The following EML4 variants were observed in gnomAD, a reference collection of about 807,000 sequenced individuals.
EML4 encodes echinoderm microtubule-associated protein-like 4.
EML4 carries 72 observed loss-of-function variants against 129.0 expected under a neutral mutation model. The ratio of observed to expected loss-of-function variants is 0.56; its 90% CI spans 0.46 to 0.68. EML4 has a LOEUF of 0.68. EML4 is among the 30% of genes least tolerant of loss of function. The pLI, the probability that EML4 is intolerant of heterozygous loss-of-function variation, is 0.00. For missense variants in EML4, 1,363 were observed against 1,190.6 expected, an observed-to-expected ratio of 1.14 and a Z score of -2.13; for synonymous variants, 532 against 405.0, an observed-to-expected ratio of 1.31 and a Z score of -3.77.
chr2:42,233,487 T>A (rs753165860), intron 1 of EML4, among the ~76,000 whole-genome samples: 1 of 151,872 alleles, frequency 6.6e-6, no homozygotes, highest in African/African-American at 2.4e-5. Context: ...TTTTTTATTT[T>A]TAGTAGAGAC....
intron 1 of EML4, among the ~76,000 whole-genome samples, chr2:42,173,609 G>A (rs749946079): frequency 6.6e-6 from 1 of 152,154 alleles, no homozygotes; most frequent in Non-Finnish European, 1.5e-5. Flanking sequence ...AGCACTTTGG[G>A]AGGCTGAGGT....
At chr2:42,312,890 G>A (rs1247661442) in intron 17 of EML4, among the ~76,000 whole-genome samples, 1 of 148,600 alleles carries the variant, frequency 6.7e-6, no homozygotes, top group Non-Finnish European at 1.5e-5. Context: ...CTATAACCTG[G>A]AAGCCCCCAC....
chr2:42,229,594 G>C (rs1674193156), intron 1 of EML4, among the ~76,000 whole-genome samples: 1 of 152,166 alleles, frequency 6.6e-6, no homozygotes, highest in Non-Finnish European at 1.5e-5. Flanking sequence ...GAGTGAGTGA[G>C]TTTAGGGCTA....
chr2:42,279,751 G>C (rs1266251591), intron 6 of EML4, among the ~76,000 whole-genome samples: 1 of 151,252 alleles, frequency 6.6e-6, no homozygotes, highest in Non-Finnish European at 1.5e-5. Context: ...TGGAATTACA[G>C]GCGTGAGCCA....
At chr2:42,254,998 A>G (rs965003360) in intron 2 of EML4, among the ~76,000 whole-genome samples, 1 of 152,144 alleles carries the variant, frequency 6.6e-6, no homozygotes, top group Admixed American at 6.5e-5. Context: ...ACATTGTACT[A>G]TATAAAAGAA....
chr2:42,217,456 G>T (rs1673270234), intron 1 of EML4, among the ~76,000 whole-genome samples: 1 of 152,062 alleles, frequency 6.6e-6, no homozygotes, highest in African/African-American at 2.4e-5. Context: ...TTCTTGTTTG[G>T]CCCTCTGTGG....
chr2:42,179,804 G>C (rs1670825144), intron 1 of EML4, among the ~76,000 whole-genome samples: 1 of 152,034 alleles, frequency 6.6e-6, no homozygotes, highest in African/African-American at 2.4e-5. Context: ...GTTTCACTAT[G>C]TTGGTCAGGC....
intron 1 of EML4, among the ~76,000 whole-genome samples, chr2:42,224,256 C>T (rs936822108): frequency 1.3e-5 from 2 of 152,104 alleles, no homozygotes; most frequent in African/African-American, 2.4e-5. Flanking sequence ...TCTACTTTAT[C>T]TTACAGGTTT....
At chr2:42,263,123 G>C (rs974954695) in intron 4 of EML4, 55 bp from the exon 5 acceptor site, 1 of 1,445,448 alleles carries the variant, frequency 6.9e-7, no homozygotes, top group African/African-American at 1.4e-5. Context: ...TAAATTGTCA[G>C]TTACATGTCT....
intron 17 of EML4, among the ~76,000 whole-genome samples, chr2:42,314,634 A>G (rs767560919): frequency 4.6e-5 from 7 of 152,166 alleles, no homozygotes; most frequent in African/African-American, 9.7e-5. Context: ...GGTTTTTGTC[A>G]TGTTCAAGAC....
chr2:42,268,630 G>A (rs188272914), intron 6 of EML4, among the ~76,000 whole-genome samples: 15 of 152,110 alleles, frequency 9.9e-5, no homozygotes, highest in African/African-American at 3.4e-4. Flanking sequence ...TAGAGGCAGG[G>A]TGTCACTGTG....
rs982517867 is a variant in EML4 at position 42,332,539 on chromosome 2, CTCTT to C, written c.*2336_*2339del. On this transcript the variant is annotated 3_prime_UTR_variant, in exon 23 of 23. Transcript: ENST00000318522. ...AAAAATAAAATAATCAAAATGTTTC[CTCTT>C]TCTAAGTGCGTCTTAACTCTTTCTT... 9.4e-5 allele frequency: 17 copies of C among 180,756 alleles called. No homozygotes were observed. Among genetic ancestry groups the C allele is most frequent in the East Asian group, 2.7e-4 (3 of 10,972 alleles). 11.2% of individuals were successfully genotyped at this position (180,756 alleles called of 1,614,324 possible). A position where few individuals can be genotyped will look rare whatever the true frequency, so the allele number is the denominator to read the frequency against.
At chr2:42,211,534 C>G (rs1027997168) in intron 1 of EML4, among the ~76,000 whole-genome samples, 6 of 152,184 alleles carry the variant, frequency 3.9e-5, no homozygotes, top group African/African-American at 1.4e-4. Flanking sequence ...TTAGTCCCCT[C>G]TGTAGTTAAC....
intron 6 of EML4, among the ~76,000 whole-genome samples, chr2:42,276,324 A>T (rs1461521728): frequency 6.6e-6 from 1 of 152,164 alleles, no homozygotes. Flanking sequence ...CACTAGGTCC[A>T]CATTCTTCAT....
In EML4 at chr2:42,169,411, T is replaced by A. The variant is rs988092647; in HGVS notation, c.-201T>A. 4.3e-6 allele frequency: 2 copies of A among 461,958 alleles called. No homozygotes were observed. The highest frequency in any genetic ancestry group is 7.6e-6 in the Non-Finnish European group (2 of 263,266). 28.6% of individuals were successfully genotyped at this position (461,958 alleles called of 1,614,324 possible). A position where few individuals can be genotyped will look rare whatever the true frequency, so the allele number is the denominator to read the frequency against. Reference sequence around the variant, plus strand: ...CGGGCAGGCGGCTGAGCGGCGCGGCTCTCAACGTGACGGGGAAGTGGTTCG... The same window carrying A: ...CGGGCAGGCGGCTGAGCGGCGCGGCACTCAACGTGACGGGGAAGTGGTTCG... On this transcript the variant is annotated 5_prime_UTR_variant, in exon 1 of 23. Coordinates refer to ENST00000318522, the MANE Select transcript of EML4 (RefSeq NM_019063.5).
chr2:42,195,447 T>C (rs1345858031), intron 1 of EML4, among the ~76,000 whole-genome samples: 1 of 152,216 alleles, frequency 6.6e-6, no homozygotes, highest in African/African-American at 2.4e-5. Context: ...TTCAGAGTTT[T>C]GTATAGAGTG....
chr2:42,294,824 A>G (rs1263461323), intron 11 of EML4, among the ~76,000 whole-genome samples: 1 of 152,186 alleles, frequency 6.6e-6, no homozygotes, highest in Non-Finnish European at 1.5e-5. Flanking sequence ...TTGCTCTTAA[A>G]TTCGACAGTT....
intron 3 of EML4, among the ~76,000 whole-genome samples, chr2:42,260,096 C>T (rs1665631505): frequency 6.6e-6 from 1 of 151,394 alleles, no homozygotes; most frequent in Admixed American, 6.6e-5. Flanking sequence ...AACTCCTGGG[C>T]TCAAGTAATC....
chr2:42,254,292 G>GA (rs1194744746), intron 2 of EML4, among the ~76,000 whole-genome samples: 1 of 151,606 alleles, frequency 6.6e-6, no homozygotes, highest in Non-Finnish European at 1.5e-5. Flanking sequence ...CTGTCTCTAC[G>GA]AAAAAAATAT....
Sources: gnomAD v4.1 joint callset for allele counts (sites outside exome capture counted in the v4.1 genomes callset) on GRCh38, gnomAD v4.1.1 for gene constraint, MANE v1.5 for transcripts, NCBI Gene and HGNC (gene_info 2026-07-23, HGNC 2026-07-21) for gene names.